The following WRNIP1 variants were observed in gnomAD, a reference collection of about 807,000 sequenced individuals.
WRNIP1 encodes WRN helicase interacting protein 1.
Under a neutral mutation model 56.1 loss-of-function variants are expected in WRNIP1, and 41 were observed. That is an observed-to-expected ratio of 0.73 (90% confidence interval 0.57 to 0.95). The LOEUF (loss-of-function observed/expected upper bound fraction) is 0.95. WRNIP1 is among the 40% of genes least tolerant of loss of function. The pLI, the probability that WRNIP1 is intolerant of heterozygous loss-of-function variation, is 0.00. For synonymous variants in WRNIP1, 547 were observed against 398.1 expected, an observed-to-expected ratio of 1.37 and a Z score of -4.45; for missense variants, 1,170 against 939.4, an observed-to-expected ratio of 1.25 and a Z score of -3.21.
rs1021910248 is a variant in WRNIP1, at chr6:2,784,986, T to C, written c.1723-21T>C. 2.5e-6 allele frequency: 4 copies of C among 1,611,670 alleles called. No individual in the cohort carries two copies. In the African/African-American group the frequency reaches 5.3e-5, roughly 22 times the overall value. Reference sequence around the variant, plus strand: ...AGCTTGGCATCTTGCTAGTAAAATGTGTCCTCTGTGTCATTGGTAGGTGCT... The same window carrying C: ...AGCTTGGCATCTTGCTAGTAAAATGCGTCCTCTGTGTCATTGGTAGGTGCT... On this transcript the variant is annotated intron_variant, in intron 6 of 6. Transcript: ENST00000380773.
In WRNIP1 at chr6:2,786,534, C is replaced by T. The variant is rs1405624173; in HGVS notation, c.*1252C>T. On this transcript the variant is annotated 3_prime_UTR_variant, in exon 7 of 7. Transcript: ENST00000380773. ...GCACCCCATCTGATGACAGGACTGA[C>T]TGCTTTCTGGCACAGGTGGCATGTA... is the stretch of plus-strand genomic sequence containing the variant. 1 of 152,340 alleles carries T rather than the reference C, an allele frequency of 6.6e-6. No homozygotes were observed. Among genetic ancestry groups the T allele is most frequent in the Non-Finnish European group, 1.5e-5 (1 of 68,130 alleles). The allele number at this position is 152,340 out of a possible 1,614,324, so 9.4% of individuals were successfully genotyped here. A position where few individuals can be genotyped will look rare whatever the true frequency, so the allele number is the denominator to read the frequency against.
intron 4 of WRNIP1, 77 bp from the exon 5 acceptor site, chr6:2,783,329 G>T: frequency 7.0e-7 from 1 of 1,437,892 alleles, no homozygotes; most frequent in Admixed American, 2.3e-5. Flanking sequence ...CTTTCTGGAA[G>T]TCAGCTGGCG....
chr6:2,783,309 T>C, intron 4 of WRNIP1, 97 bp from the exon 5 acceptor site: 1 of 1,355,676 alleles, frequency 7.4e-7, no homozygotes, highest in Non-Finnish European at 9.8e-7. Flanking sequence ...AGGGCCTTTA[T>C]TCGTTCAGGC....
chr6:2,765,885 C>T lies in WRNIP1; in HGVS notation c.263C>T (p.Ala88Val), dbSNP rs778888831. The T allele has an allele frequency of 1.4e-6, 2 of 1,450,926 alleles. No homozygotes were observed. The highest frequency in any genetic ancestry group is 1.8e-6 in the Non-Finnish European group (2 of 1,103,434). 89.9% of individuals were successfully genotyped at this position (1,450,926 alleles called of 1,614,324 possible). ...SALKQPATPT[A>V]AESSEGEGEE... The stretch of plus-strand genomic sequence containing the variant: ...CTGAAGCAGCCAGCCACCCCGACGG[C>T]AGCCGAGAGCAGCGAGGGCGAGGGT... The change falls in exon 1 of 7, where the codon GCA becomes GTA. Residue 88 changes from alanine (A) to valine (V), a missense_variant. Coordinates refer to ENST00000380773, the MANE Select transcript of WRNIP1 (RefSeq NM_020135.3).
chr6:2,768,709 A>G lies in WRNIP1; in HGVS notation c.841A>G (p.Ile281Val), dbSNP rs1427844084. 2 of 1,611,704 alleles carry G rather than the reference A, an allele frequency of 1.2e-6. No homozygotes were observed. Among genetic ancestry groups the G allele is most frequent in the Non-Finnish European group, 8.5e-7 (1 of 1,178,632 alleles). ...GCGKTTLAHI[I>V]ASNSKKHSIR... Reference sequence around the variant, plus strand: ...TTTCTAGACCACTCTGGCTCACATCATAGCCAGCAACAGCAAGAAACATAG... The same window carrying G: ...TTTCTAGACCACTCTGGCTCACATCGTAGCCAGCAACAGCAAGAAACATAG... The change falls in exon 2 of 7, where the codon ATA becomes GTA. Residue 281 changes from isoleucine (I) to valine (V), a missense_variant. By Grantham distance (29) the Ile-to-Val change is conservative. Coordinates refer to ENST00000380773, the MANE Select transcript of WRNIP1 (RefSeq NM_020135.3).
At chr6:2,770,497 TAA>T (rs1223011132) in intron 3 of WRNIP1, 136 bp downstream of exon 3, 2 of 1,297,516 alleles carry the variant, frequency 1.5e-6, no homozygotes, top group Non-Finnish European at 2.1e-6. Context: ...GTAATGAAAA[TAA>T]AAGAGGAGGG....
At chr6:2,766,541 G>A (rs1582162525) in intron 1 of WRNIP1, 97 bp downstream of exon 1, 2 of 1,412,836 alleles carry the variant, frequency 1.4e-6, no homozygotes, top group Non-Finnish European at 1.9e-6. Flanking sequence ...GAAAGAAGCC[G>A]CCTGCCTCTC....
chr6:2,770,108 T>C lies in WRNIP1; in HGVS notation c.1015-12T>C. 1 of 1,613,694 alleles carries C rather than the reference T, an allele frequency of 6.2e-7. No individual in the cohort carries two copies. On this transcript the variant is annotated splice_polypyrimidine_tract_variant and intron_variant, in intron 2 of 6. Coordinates refer to ENST00000380773, the MANE Select transcript of WRNIP1 (RefSeq NM_020135.3). Reference sequence around the variant, plus strand: ...CTGGAATCACTTTTTTCTGTTTTCCTCCCATGATTAGGACACTTTCCTTCC... The same window carrying C: ...CTGGAATCACTTTTTTCTGTTTTCCCCCCATGATTAGGACACTTTCCTTCC...
At chr6:2,766,675 A>G (rs1582162910) in intron 1 of WRNIP1, among the ~76,000 whole-genome samples, 1 of 152,346 alleles carries the variant, frequency 6.6e-6, no homozygotes, top group South Asian at 2.1e-4. Flanking sequence ...CGGGTTTGCA[A>G]AAGGACGATG....
At chr6:2,770,023 A>G in intron 2 of WRNIP1, 97 bp from the exon 3 acceptor site, 1 of 1,535,158 alleles carries the variant, frequency 6.5e-7, no homozygotes, top group Non-Finnish European at 8.8e-7. Context: ...GAAAGATAAA[A>G]ATGAGGAAAA....
chr6:2,769,200 A>G (rs1765171677), intron 2 of WRNIP1, among the ~76,000 whole-genome samples: 1 of 152,348 alleles, frequency 6.6e-6, no homozygotes. Flanking sequence ...ACAGTAAAAT[A>G]ATGATTTTAA....
rs536657409 is a variant in WRNIP1, at chr6:2,783,821, G to A, written c.1642+260G>A. ...CATTTTCTGTTTCCTCTTCGGGAAT[G>A]TTTTTACTAACATGAGTGGCTATTC... On this transcript the variant is annotated intron_variant, in intron 5 of 6. Coordinates refer to ENST00000380773, the MANE Select transcript of WRNIP1 (RefSeq NM_020135.3). 1.7e-3 allele frequency among the ~76,000 whole-genome samples: 261 copies of A among 152,170 alleles called. 2 individuals are homozygous for A. The highest frequency in any genetic ancestry group is 6.0e-3 in the African/African-American group (250 of 41,492).
chr6:2,772,069 T>C (rs942811941), intron 3 of WRNIP1, among the ~76,000 whole-genome samples: 1 of 152,108 alleles, frequency 6.6e-6, no homozygotes, highest in Non-Finnish European at 1.5e-5. Context: ...TTTTCACCTC[T>C]CCCCAGTCAC....
intron 4 of WRNIP1, among the ~76,000 whole-genome samples, chr6:2,781,114 C>G (rs527352142): frequency 6.6e-6 from 1 of 152,304 alleles, no homozygotes; most frequent in East Asian, 1.9e-4. Context: ...CTGATCTCAC[C>G]CATTACATCA....
intron 1 of WRNIP1, among the ~76,000 whole-genome samples, chr6:2,766,688 T>C (rs938751753): frequency 3.3e-5 from 5 of 152,218 alleles, no homozygotes; most frequent in African/African-American, 4.8e-5. Context: ...GGACGATGTC[T>C]GTGAATCCAT....
At chr6:2,773,144 A>G (rs1053226512) in intron 3 of WRNIP1, 3 of 985,352 alleles carry the variant, frequency 3.0e-6, no homozygotes, top group Non-Finnish European at 3.6e-6. Context: ...ATACTCATGT[A>G]AGTGATAAAT....
intron 3 of WRNIP1, among the ~76,000 whole-genome samples, chr6:2,778,436 A>G (rs1464803177): frequency 2.0e-5 from 3 of 152,216 alleles, no homozygotes; most frequent in Admixed American, 2.0e-4. Flanking sequence ...AATTTTACTG[A>G]GTCAGCCTTC....
intron 4 of WRNIP1, among the ~76,000 whole-genome samples, chr6:2,782,507 T>C (rs1378328959): frequency 6.6e-6 from 1 of 152,202 alleles, no homozygotes; most frequent in African/African-American, 2.4e-5. Context: ...AGTCGTATTG[T>C]GGACATGGGC....
At chr6:2,776,605 A>G (rs1047949319) in intron 3 of WRNIP1, among the ~76,000 whole-genome samples, 2 of 152,206 alleles carry the variant, frequency 1.3e-5, no homozygotes, top group African/African-American at 4.8e-5. Context: ...AAAATACATA[A>G]TCATTGCTAA....
Sources: allele counts gnomAD v4.1 joint callset (sites outside exome capture counted in the v4.1 genomes callset), GRCh38; gene constraint gnomAD v4.1.1; transcripts MANE v1.5; gene names NCBI Gene and HGNC (gene_info 2026-07-23, HGNC 2026-07-21).